Variants in HSD11B1 observed in about 807,000 individuals in gnomAD.
The protein encoded by HSD11B1 is 11-beta-hydroxysteroid dehydrogenase 1.
Under a neutral mutation model 22.1 loss-of-function variants are expected in HSD11B1, and 15 were observed. That is an observed-to-expected ratio of 0.68 (90% confidence interval 0.45 to 1.04). HSD11B1 has a LOEUF of 1.04. Ranked by LOEUF, HSD11B1 falls within the 50% of genes least tolerant of loss-of-function variation. The pLI is 0.00. For missense variants in HSD11B1, 281 were observed against 357.6 expected (o/e 0.79, Z 1.73); for synonymous variants, 122 against 125.2 (o/e 0.97, Z 0.17).
intron 4 of HSD11B1, among the ~76,000 whole-genome samples, chr1:209,708,482 C>CCGGTG (rs1365854302): frequency 1.3e-5 from 2 of 152,074 alleles, no homozygotes; most frequent in African/African-American, 4.8e-5. Flanking sequence ...GATATGCATC[C>CCGGTG]CGGTGCTTCC....
upstream of HSD11B1, among the ~76,000 whole-genome samples, chr1:209,704,603 G>T (rs2076844695): frequency 6.6e-6 from 1 of 152,146 alleles, no homozygotes; most frequent in Admixed American, 6.6e-5. Flanking sequence ...TGGCGTAAAT[G>T]GTGTTAAGAG....
upstream of HSD11B1, among the ~76,000 whole-genome samples, chr1:209,703,489 C>A (rs1233844705): frequency 2.6e-5 from 4 of 152,104 alleles, no homozygotes; most frequent in East Asian, 5.8e-4. Context: ...CCTTCATAGA[C>A]CTCGAGCTCT....
At chr1:209,700,870 C>T (rs537369288), upstream of HSD11B1, among the ~76,000 whole-genome samples, 1 of 152,342 alleles carries the variant, frequency 6.6e-6, no homozygotes, top group South Asian at 2.1e-4. Context: ...TGCCAACAGT[C>T]TCTTTGCTAA....
chr1:209,707,269 C>T (rs1052063368), intron 4 of HSD11B1, 141 bp downstream of exon 4: 3 of 744,626 alleles, frequency 4.0e-6, no homozygotes, highest in Admixed American at 4.5e-5. Context: ...AAGTGGGCTA[C>T]AAAATTCTTT....
Position 209,712,270 on chromosome 1 carries a change from G to C in HSD11B1, c.517+5142G>C, listed in dbSNP as rs547338217. On this transcript the variant is annotated intron_variant, in intron 4 of 5. Coordinates refer to ENST00000367027, the MANE Select transcript of HSD11B1 (RefSeq NM_005525.4). ...AACAATAAGAAAAAGAAAAGAAAAA[G>C]GACAAGATCAGTGTACAGCCAGCAC... Among the ~76,000 whole-genome samples, 837 of 152,202 alleles carry C rather than the reference G, an allele frequency of 5.5e-3. 9 individuals carry two copies. The highest frequency in any genetic ancestry group is 6.7e-3 in the Non-Finnish European group (457 of 67,990).
chr1:209,699,578 G>T (rs2076814361), intron 1 of HSD11B1, among the ~76,000 whole-genome samples: 1 of 152,046 alleles, frequency 6.6e-6, no homozygotes. Flanking sequence ...TTTGGGTAAG[G>T]ACACAGTCAA....
At chr1:209,724,175 C>T (rs932151100) in intron 4 of HSD11B1, 1 of 152,184 alleles carries the variant, frequency 6.6e-6, no homozygotes, top group African/African-American at 2.4e-5. Flanking sequence ...AGGTGTGACA[C>T]AATTTGGGCT....
At chr1:209,686,538 G>A (rs1303879508) in intron 1 of HSD11B1, among the ~76,000 whole-genome samples, 2 of 152,180 alleles carry the variant, frequency 1.3e-5, no homozygotes, top group African/African-American at 4.8e-5. Context: ...TCTCTTGCTG[G>A]CACTGACAGC....
intron 4 of HSD11B1, among the ~76,000 whole-genome samples, chr1:209,725,923 G>A (rs1221295970): frequency 6.6e-6 from 1 of 152,182 alleles, no homozygotes; most frequent in African/African-American, 2.4e-5. Context: ...AACAACAGCT[G>A]TAGCCATATG....
intron 1 of HSD11B1, among the ~76,000 whole-genome samples, chr1:209,691,692 G>A (rs1571863247): frequency 6.6e-6 from 1 of 152,116 alleles, no homozygotes; most frequent in Non-Finnish European, 1.5e-5. Flanking sequence ...ATATTGTTCA[G>A]CTGTAAACAA....
At chr1:209,733,667 A>T (rs2077049328) in intron 5 of HSD11B1, among the ~76,000 whole-genome samples, 1 of 152,216 alleles carries the variant, frequency 6.6e-6, no homozygotes, top group African/African-American at 2.4e-5. Context: ...ATACAAGTTT[A>T]TCTAAAACAT....
chr1:209,689,699 CT>C (rs1448278036), intron 1 of HSD11B1, among the ~76,000 whole-genome samples: 10 of 152,320 alleles, frequency 6.6e-5, no homozygotes, highest in Admixed American at 2.0e-4. Flanking sequence ...TCCTCTTGGA[CT>C]TCTGCCATGA....
chr1:209,709,558 G>A (rs192567916), intron 4 of HSD11B1, among the ~76,000 whole-genome samples: 106 of 152,224 alleles, frequency 7.0e-4, no homozygotes, highest in African/African-American at 2.5e-3. Flanking sequence ...AAAACACCCT[G>A]GAAAGGCAGT....
chr1:209,698,174 G>A (rs1032402663), intron 1 of HSD11B1, among the ~76,000 whole-genome samples: 1 of 87,128 alleles, frequency 1.1e-5, no homozygotes, highest in African/African-American at 3.9e-5. Flanking sequence ...AGATTAGATA[G>A]ATAGATAGAT....
At position 209,732,296 on chromosome 1, in the gene HSD11B1, T is replaced by C. The variant is rs552234997; in HGVS notation, c.518-140T>C. Reference sequence around the variant, plus strand: ...ATGTTTTCAAAATTCAACACAGCAGTATAACTTCCATGGGGAATATAGAGA... The same window carrying C: ...ATGTTTTCAAAATTCAACACAGCAGCATAACTTCCATGGGGAATATAGAGA... On this transcript the variant is annotated intron_variant, in intron 4 of 5. Coordinates refer to ENST00000367027, the MANE Select transcript of HSD11B1 (RefSeq NM_005525.4). 6 of 907,490 alleles carry C rather than the reference T, an allele frequency of 6.6e-6. No homozygotes were observed. The South Asian group carries it at 8.4e-5, about 13-fold the overall frequency. 56.2% of individuals were successfully genotyped at this position (907,490 alleles called of 1,614,324 possible).
chr1:209,696,676 AAC>A (rs1284215182), intron 1 of HSD11B1, among the ~76,000 whole-genome samples: 1 of 152,228 alleles, frequency 6.6e-6, no homozygotes, highest in African/African-American at 2.4e-5. Context: ...CAGTGAGAGA[AAC>A]AGAAAGAAAA....
chr1:209,710,319 T>A (rs963644112), intron 4 of HSD11B1, among the ~76,000 whole-genome samples: 2 of 152,190 alleles, frequency 1.3e-5, no homozygotes, highest in African/African-American at 4.8e-5. Flanking sequence ...GTTGCACACA[T>A]GGCAGCTAGA....
chr1:209,700,148 G>A (rs1382789092), upstream of HSD11B1, among the ~76,000 whole-genome samples: 4 of 152,232 alleles, frequency 2.6e-5, no homozygotes, highest in Non-Finnish European at 5.9e-5. Context: ...ACTAGGCAGT[G>A]CCCCAGTAGG....
At chr1:209,713,867 C>T (rs12024779) in intron 4 of HSD11B1, among the ~76,000 whole-genome samples, 14,633 of 152,172 alleles carry the variant, frequency 0.096, 2,132 homozygotes, top group African/African-American at 0.31. Context: ...AATCCAAAGA[C>T]GCAAAATCCA....
Sources: gnomAD v4.1 joint callset for allele counts (sites outside exome capture counted in the v4.1 genomes callset) on GRCh38, gnomAD v4.1.1 for gene constraint, MANE v1.5 for transcripts, NCBI Gene and HGNC (gene_info 2026-07-23, HGNC 2026-07-21) for gene names.